Variants in MSANTD2 observed in about 807,000 individuals in gnomAD.
The protein encoded by MSANTD2 is Myb/SANT DNA binding domain containing 2, also known as myb/SANT-like DNA-binding domain-containing protein 2.
MSANTD2 carries 19 observed loss-of-function variants against 52.6 expected under a neutral mutation model. That is an observed-to-expected ratio of 0.36 (90% CI 0.25 to 0.53). The LOEUF is 0.53. Among genes scored for constraint, MSANTD2 ranks in the 20% least tolerant of loss-of-function variants. MSANTD2 has a pLI of 0.91. For synonymous variants in MSANTD2, 291 were observed against 289.7 expected (o/e 1.00, Z -0.04); for missense variants, 558 against 716.3 (o/e 0.78, Z 2.52).
At chr11:124,783,659 A>G in intron 1 of MSANTD2, 4 of 878,628 alleles carry the variant, frequency 4.6e-6, no homozygotes, top group Non-Finnish European at 5.5e-6. Flanking sequence ...TAAAAACAAA[A>G]CTTTAAAAAA....
rs79685405 is a variant in MSANTD2, at chr11:124,788,205, A to G, written c.510+11666T>C. 4.5e-3 allele frequency among the ~76,000 whole-genome samples: 683 copies of G among 152,314 alleles called. 8 individuals are homozygous for G. Among genetic ancestry groups the G allele is most frequent in the African/African-American group, 0.016 (657 of 41,576 alleles). On this transcript the variant is annotated intron_variant, in intron 1 of 3. Coordinates refer to ENST00000374979, the MANE Select transcript of MSANTD2 (RefSeq NM_001308027.2). ...AAAAAGGAATCCTAACTACCCATGC[A>G]GAGTGAGGAATAGGCCTCACTCGCT...
intron 1 of MSANTD2, among the ~76,000 whole-genome samples, chr11:124,780,143 T>C (rs996424521): frequency 2.0e-5 from 3 of 152,202 alleles, no homozygotes; most frequent in African/African-American, 2.4e-5. Context: ...CAATATCTTA[T>C]GTAGCATACA....
At position 124,770,780 on chromosome 11, in the gene MSANTD2, GT is replaced by G. The variant is rs1054956993; in HGVS notation, c.827+2213del. On this transcript the variant is annotated intron_variant, in intron 3 of 3. Transcript: ENST00000374979. ...GCCACCACGCCCAGCTAATTTTTTG[GT>G]TTTTTTTTTTTTTTTTGAGACAGAG... Among the ~76,000 whole-genome samples the G allele has an allele frequency of 3.8e-3, 508 of 132,150 alleles. 6 individuals carry two copies. Among genetic ancestry groups the G allele is most frequent in the African/African-American group, 8.8e-3 (323 of 36,632 alleles). 86.7% of individuals were successfully genotyped at this position (132,150 alleles called of 152,430 possible).
rs548438323 is a variant in MSANTD2 at position 124,793,186 on chromosome 11, T to C, written c.510+6685A>G. Among the ~76,000 whole-genome samples, 5 of 152,340 alleles carry C rather than the reference T, an allele frequency of 3.3e-5. No homozygotes were observed. The South Asian group carries it at 6.2e-4, about 19-fold the overall frequency. ...GAATAACAAAAACAATATAGGCCAG[T>C]GATACTGTTTCTTTTAAATGTAACT... On this transcript the variant is annotated intron_variant, in intron 1 of 3. Transcript: ENST00000374979.
At chr11:124,772,870 AAT>A (rs1470940853) in intron 3 of MSANTD2, 122 bp downstream of exon 3, 2 of 682,818 alleles carry the variant, frequency 2.9e-6, no homozygotes, top group African/African-American at 3.6e-5. Flanking sequence ...CTAAAGAATG[AAT>A]AGACATGCCT....
chr11:124,792,352 C>G (rs1044460324), intron 1 of MSANTD2: 1 of 152,256 alleles, frequency 6.6e-6, no homozygotes, highest in Non-Finnish European at 1.5e-5. Flanking sequence ...ACTCTTTCAC[C>G]ACATGCCATG....
rs78041243 is a variant in MSANTD2 at position 124,791,380 on chromosome 11, C to G, written c.510+8491G>C. 9.3e-3 allele frequency: 12,741 copies of G among 1,363,846 alleles called. 816 individuals carry two copies. In the African/African-American group the frequency reaches 0.15, roughly 16 times the overall value. The allele number at this position is 1,363,846 out of a possible 1,614,324, so 84.5% of individuals were successfully genotyped here. On this transcript the variant is annotated intron_variant, in intron 1 of 3. Transcript: ENST00000374979. ...GTGCAAGACAAACAAGGCATCATTA[C>G]GGGCTACATCATCAAAACCTTAGAA... is the stretch of plus-strand genomic sequence containing the variant.
Position 124,800,312 on chromosome 11 carries a change from A to G in MSANTD2, c.69T>C (p.Leu23=). 6.4e-7 allele frequency: 1 copy of G among 1,565,814 alleles called. No homozygotes were observed. The highest frequency in any genetic ancestry group is 8.6e-7 in the Non-Finnish European group (1 of 1,158,588). The change falls in exon 1 of 4, where the codon CTT becomes CTC. Residue 23 remains leucine, a synonymous_variant. Transcript: ENST00000374979. The surrounding 1 kb of genome is among the most constrained non-coding windows in gnomAD (Gnocchi z 4.3). The part of the protein sequence containing the change: ...SPLKIPKMEV[L]SPASPGGLSD... ...TCAGGCCACCAGGAGAAGCCGGGGA[A>G]AGCACCTCCATCTTCGGAATTTTTA... is the stretch of plus-strand genomic sequence containing the variant.
intron 1 of MSANTD2, among the ~76,000 whole-genome samples, chr11:124,776,715 G>A (rs1944759730): frequency 6.6e-6 from 1 of 152,154 alleles, no homozygotes; most frequent in Non-Finnish European, 1.5e-5. Context: ...ATAAAAGCAC[G>A]ACATGTGTGA....
intron 1 of MSANTD2, chr11:124,790,642 C>G (rs1380115174): frequency 2.6e-5 from 4 of 152,244 alleles, no homozygotes; most frequent in Non-Finnish European, 5.9e-5. Flanking sequence ...TCTTTTGATT[C>G]TCCATATTAC....
intron 1 of MSANTD2, chr11:124,783,624 A>T: frequency 1.4e-6 from 1 of 705,822 alleles, no homozygotes; most frequent in Non-Finnish European, 1.7e-6. Flanking sequence ...TGTCTCAAAA[A>T]ATAAAAATAA....
Position 124,781,393 on chromosome 11 carries a change from T to C in MSANTD2, c.511-6419A>G, listed in dbSNP as rs191903936. On this transcript the variant is annotated intron_variant, in intron 1 of 3. Coordinates refer to ENST00000374979, the MANE Select transcript of MSANTD2 (RefSeq NM_001308027.2). ...TGTCTGATTAACTTATCGATATAGA[T>C]GCCAGATAAACTACCTCAAGTAACA... 6.0e-3 allele frequency among the ~76,000 whole-genome samples: 910 copies of C among 152,290 alleles called. 4 individuals are homozygous for C. The highest frequency in any genetic ancestry group is 0.021 in the African/African-American group (878 of 41,560).
At chr11:124,798,234 TAAA>T (rs10601418) in intron 1 of MSANTD2, among the ~76,000 whole-genome samples, 14 of 110,502 alleles carry the variant, frequency 1.3e-4, no homozygotes, top group African/African-American at 4.0e-4. Flanking sequence ...CCCTGTCTCT[TAAA>T]AAAAAAAAAA....
chr11:124,791,266 T>C, intron 1 of MSANTD2: 3 of 1,451,734 alleles, frequency 2.1e-6, no homozygotes, highest in Non-Finnish European at 2.9e-6. Context: ...TGGAGTATCC[T>C]TGGTCTACTC....
intron 1 of MSANTD2, among the ~76,000 whole-genome samples, chr11:124,777,736 G>C (rs1478991482): frequency 6.6e-6 from 1 of 152,150 alleles, no homozygotes; most frequent in Non-Finnish European, 1.5e-5. Flanking sequence ...AAGATGTTTG[G>C]TAACTTTTAA....
rs538600573 is a variant in MSANTD2, at chr11:124,766,623, T to A, written c.*553A>T. ...TACTGATTGGAAATAGCAAAACACT[T>A]GGCTGGTGAAAAAAATGAAAATCTA... On this transcript the variant is annotated 3_prime_UTR_variant, in exon 4 of 4. Coordinates refer to ENST00000374979, the MANE Select transcript of MSANTD2 (RefSeq NM_001308027.2). 6.6e-6 allele frequency: 1 copy of A among 151,554 alleles called. No individual in the cohort carries two copies. The highest frequency in any genetic ancestry group is 6.6e-5 in the Admixed American group (1 of 15,256). 9.4% of individuals were successfully genotyped at this position (151,554 alleles called of 1,614,324 possible). A position where few individuals can be genotyped will look rare whatever the true frequency, so the allele number is the denominator to read the frequency against.
chr11:124,787,342 CACATCATCTAAA>C (rs1945191885), intron 1 of MSANTD2, among the ~76,000 whole-genome samples: 1 of 152,182 alleles, frequency 6.6e-6, no homozygotes, highest in Non-Finnish European at 1.5e-5. Context: ...TCAGCTAAAC[CACATCATCTAAA>C]GCATCATTAA....
At chr11:124,768,422 G>A (rs1232687061) in intron 3 of MSANTD2, among the ~76,000 whole-genome samples, 1 of 152,160 alleles carries the variant, frequency 6.6e-6, no homozygotes, top group Non-Finnish European at 1.5e-5. Flanking sequence ...TGGCTATTAT[G>A]TCTATGATGG....
Position 124,795,148 on chromosome 11 carries a change from C to A in MSANTD2, c.510+4723G>T, listed in dbSNP as rs187789332. Reference sequence around the variant, plus strand: ...CCCGCCTCAGCCTCCCAAAGTATTGCGATTACAGGCATGAACCACCATGCC... The same window carrying A: ...CCCGCCTCAGCCTCCCAAAGTATTGAGATTACAGGCATGAACCACCATGCC... On this transcript the variant is annotated intron_variant, in intron 1 of 3. Coordinates refer to ENST00000374979, the MANE Select transcript of MSANTD2 (RefSeq NM_001308027.2). Among the ~76,000 whole-genome samples, 161 of 152,184 alleles carry A rather than the reference C, an allele frequency of 1.1e-3. 2 individuals carry two copies. Among genetic ancestry groups the A allele is most frequent in the Middle Eastern group, 0.01 (3 of 294 alleles).
Sources: allele counts gnomAD v4.1 joint callset (sites outside exome capture counted in the v4.1 genomes callset), GRCh38; gene constraint gnomAD v4.1.1; non-coding constraint Gnocchi (gnomAD v3.1); transcripts MANE v1.5; gene names NCBI Gene and HGNC (gene_info 2026-07-23, HGNC 2026-07-21).